The following PDIA4 variants were observed in gnomAD, a reference collection of about 807,000 sequenced individuals.
The protein encoded by PDIA4 is protein disulfide isomerase family A member 4, also known as protein disulfide-isomerase A4.
Under a neutral mutation model 62.1 loss-of-function variants are expected in PDIA4, and 33 were observed. That is an observed-to-expected ratio of 0.53 (90% CI 0.40 to 0.71). The LOEUF (loss-of-function observed/expected upper bound fraction) is 0.71. Among genes scored for constraint, PDIA4 ranks in the 30% least tolerant of loss-of-function variants. The probability of loss-of-function intolerance (pLI) is 0.00; values close to 1 mark genes in which losing one functional copy is unlikely to be tolerated. For synonymous variants in PDIA4, 341 were observed against 324.1 expected (o/e 1.05, Z -0.56); for missense variants, 804 against 813.6 (o/e 0.99, Z 0.14).
intron 7 of PDIA4, among the ~76,000 whole-genome samples, chr7:149,007,390 G>A (rs2129504040): frequency 6.6e-6 from 1 of 152,324 alleles, no homozygotes; most frequent in Admixed American, 6.5e-5. Flanking sequence ...GACCTGGAAA[G>A]GCCCCTTCAC....
chr7:149,006,593 G>A (rs1402575596), intron 7 of PDIA4, among the ~76,000 whole-genome samples: 3 of 152,192 alleles, frequency 2.0e-5, no homozygotes, highest in Non-Finnish European at 4.4e-5. Context: ...GGATACTCAG[G>A]GAGGGGTCCT....
In PDIA4 at chr7:149,004,038, T is replaced by C; in HGVS notation, c.1694A>G (p.Tyr565Cys). The change falls in exon 10 of 10, where the codon TAC becomes TGC. Residue 565 changes from tyrosine (Y) to cysteine (C), a missense_variant. Transcript: ENST00000652332. The stretch of plus-strand genomic sequence containing the variant: ...CTTGTACTTCTTGGCCAGGCTGTTG[T>C]ACACGGGCTCTAGCTGCTTGCAGTG... ...CGHCKQLEPV[Y>C]NSLAKKYKGQ... The C allele has an allele frequency of 1.9e-6, 3 of 1,614,224 alleles. No homozygotes were observed. Among genetic ancestry groups the C allele is most frequent in the Non-Finnish European group, 2.5e-6 (3 of 1,180,044 alleles).
intron 3 of PDIA4, 25 bp from the exon 4 acceptor site, chr7:149,015,067 G>A (rs780002124): frequency 2.5e-6 from 4 of 1,613,356 alleles, no homozygotes; most frequent in Non-Finnish European, 2.5e-6. Flanking sequence ...GCAAGACTGA[G>A]CACACAAGGC....
Position 149,005,260 on chromosome 7 carries a change from C to T in PDIA4, c.1403G>A (p.Ser468Asn). 6.2e-7 allele frequency: 1 copy of T among 1,614,206 alleles called. No individual in the cohort carries two copies. Among genetic ancestry groups the T allele is most frequent in the Non-Finnish European group, 8.5e-7 (1 of 1,180,018 alleles). The change falls in exon 9 of 10, where the codon AGC (serine) becomes AAC (asparagine). Residue 468 changes from serine to asparagine, a missense_variant. Ser to Asn is a conservative substitution (Grantham distance 46, BLOSUM62 1). Coordinates refer to ENST00000652332, the MANE Select transcript of PDIA4 (RefSeq NM_004911.5). ...GGCATTGACATCCTCCCCACTCTCG[C>T]TGAGCCCCAGGTCCTTCACCTCCCC... ...YAGEVKDLGL[S>N]ESGEDVNAAI... is the part of the protein sequence containing the mutation.
chr7:149,017,694 AAAATAAAATTAAATACATTTTATCG>A (rs1273419156), intron 3 of PDIA4, among the ~76,000 whole-genome samples: 9 of 151,460 alleles, frequency 5.9e-5, no homozygotes, highest in South Asian at 2.1e-4. Context: ...ACATTTTATC[AAAATAAAATTAAATACATTTTATCG>A]AAATAAAATT....
intron 1 of PDIA4, among the ~76,000 whole-genome samples, chr7:149,024,414 T>C (rs2129505810): frequency 6.6e-6 from 1 of 152,246 alleles, no homozygotes; most frequent in Middle Eastern, 3.4e-3. Context: ...TAGCCTTCTA[T>C]CTACCAGAAA....
chr7:149,010,416 C>T (rs1159775423), intron 6 of PDIA4, among the ~76,000 whole-genome samples: 1 of 152,102 alleles, frequency 6.6e-6, no homozygotes, highest in Non-Finnish European at 1.5e-5. Flanking sequence ...TCACCTGAGC[C>T]TGGGGAGGTC....
At chr7:149,013,249 A>G (rs781170547) in intron 4 of PDIA4, among the ~76,000 whole-genome samples, 2 of 152,160 alleles carry the variant, frequency 1.3e-5, no homozygotes. Flanking sequence ...CTCCGTCTCA[A>G]AAAAGAACCA....
chr7:149,010,587 A>G (rs1232892108), intron 6 of PDIA4, among the ~76,000 whole-genome samples: 1 of 152,146 alleles, frequency 6.6e-6, no homozygotes, highest in Non-Finnish European at 1.5e-5. Flanking sequence ...CTTCAGGCAG[A>G]GACAGACCCG....
At chr7:149,010,615 C>T (rs1033795379) in intron 6 of PDIA4, among the ~76,000 whole-genome samples, 2 of 152,210 alleles carry the variant, frequency 1.3e-5, no homozygotes, top group Non-Finnish European at 2.9e-5. Flanking sequence ...AACTTCACCT[C>T]CTGCCCACCC....
rs539798193 is a variant in PDIA4, at chr7:149,024,814, T to TAA, written c.88+3505_88+3506dup. On this transcript the variant is annotated intron_variant, in intron 1 of 9. Transcript: ENST00000652332. ...CTGGCGACCGAGCAAGACTGTCATTTAAAAAAAAAAAAAAAAAAAAAAAAA... is the reference window on the plus strand; with the variant it reads ...CTGGCGACCGAGCAAGACTGTCATTTAAAAAAAAAAAAAAAAAAAAAAAAAAA... Among the ~76,000 whole-genome samples, 69 of 89,378 alleles carry TAA rather than the reference T, an allele frequency of 7.7e-4. 3 individuals carry two copies. The highest frequency in any genetic ancestry group is 3.3e-3 in the African/African-American group (63 of 19,082). The allele number at this position is 89,378 out of a possible 152,430, so 58.6% of individuals were successfully genotyped here.
intron 7 of PDIA4, 63 bp from the exon 8 acceptor site, chr7:149,006,116 A>G (rs1421997111): frequency 1.3e-6 from 2 of 1,503,068 alleles, no homozygotes; most frequent in Non-Finnish European, 8.8e-7. Context: ...CTTGAGTACA[A>G]TGTTTGAGGG....
intron 6 of PDIA4, among the ~76,000 whole-genome samples, chr7:149,011,037 A>T (rs1288910322): frequency 6.6e-6 from 1 of 152,224 alleles, no homozygotes; most frequent in Admixed American, 6.5e-5. Context: ...ATTTAGCTCT[A>T]CTGGTTTTAT....
chr7:149,016,756 C>T (rs150539830), intron 3 of PDIA4, among the ~76,000 whole-genome samples: 2,774 of 152,240 alleles, frequency 0.018, 38 homozygotes, highest in Non-Finnish European at 0.03. Context: ...CGTGATCCAC[C>T]GACCTTGGCC....
At chr7:149,011,560 C>T (rs938229311) in intron 6 of PDIA4, among the ~76,000 whole-genome samples, 3 of 152,136 alleles carry the variant, frequency 2.0e-5, no homozygotes, top group Non-Finnish European at 2.9e-5. Flanking sequence ...ATTCAGAGGC[C>T]GGCACCTTAT....
intron 2 of PDIA4, among the ~76,000 whole-genome samples, chr7:149,019,518 G>C (rs990284146): frequency 3.9e-5 from 6 of 152,190 alleles, no homozygotes; most frequent in African/African-American, 1.4e-4. Context: ...TCAGGAGTTT[G>C]AGACCAGCCT....
intron 1 of PDIA4, chr7:149,027,767 G>A (rs1387001478): frequency 9.1e-6 from 4 of 440,630 alleles, no homozygotes; most frequent in Admixed American, 2.5e-5. Flanking sequence ...AGAAGGAATG[G>A]TATCTCTAGT....
intron 7 of PDIA4, among the ~76,000 whole-genome samples, chr7:149,006,818 G>A (rs971991456): frequency 5.9e-5 from 9 of 152,334 alleles, no homozygotes; most frequent in South Asian, 2.1e-4. Context: ...GCAGGAGGCC[G>A]TGGAGTCTTT....
intron 1 of PDIA4, chr7:149,028,061 CAGGGG>C: frequency 1.6e-6 from 1 of 636,060 alleles, no homozygotes; most frequent in Admixed American, 2.3e-5. Context: ...CCTCGGGTGA[CAGGGG>C]TCTTCCAGGG....
Sources: allele counts gnomAD v4.1 joint callset (sites outside exome capture counted in the v4.1 genomes callset), GRCh38; gene constraint gnomAD v4.1.1; transcripts MANE v1.5; gene names NCBI Gene and HGNC (gene_info 2026-07-23, HGNC 2026-07-21).